The following RUNX1 variants were observed in gnomAD, a reference collection of about 807,000 sequenced individuals.
RUNX1 encodes runt-related transcription factor 1.
A neutral mutation model predicts 42.8 loss-of-function variants in RUNX1; 19 were observed. The observed-to-expected ratio is 0.44, with a 90% CI of 0.31 to 0.65. The LOEUF (loss-of-function observed/expected upper bound fraction) is 0.65, where lower values mean the gene tolerates loss of function less well. RUNX1 is among the 30% of genes least tolerant of loss of function. The probability of loss-of-function intolerance (pLI) is 0.07; values close to 1 mark genes in which losing one functional copy is unlikely to be tolerated. For missense variants in RUNX1, 528 were observed against 672.0 expected, an observed-to-expected ratio of 0.79 and a Z score of 2.37; for synonymous variants, 271 against 289.4, an observed-to-expected ratio of 0.94 and a Z score of 0.64.
chr21:35,021,287 A>G (rs1011256926), intron 2 of RUNX1, among the ~76,000 whole-genome samples: 3 of 152,214 alleles, frequency 2.0e-5, no homozygotes, highest in African/African-American at 7.2e-5. Flanking sequence ...ATGAGTTATT[A>G]TCTGCAAAGC....
intron 2 of RUNX1, among the ~76,000 whole-genome samples, chr21:34,976,711 G>C (rs1401851784): frequency 6.6e-6 from 1 of 152,232 alleles, no homozygotes; most frequent in Non-Finnish European, 1.5e-5. Flanking sequence ...AGAGAACCTA[G>C]AGAACTACTG....
chr21:35,044,984 G>T (rs1345238565), intron 2 of RUNX1, among the ~76,000 whole-genome samples: 1 of 152,162 alleles, frequency 6.6e-6, no homozygotes, highest in East Asian at 1.9e-4. Flanking sequence ...GCCTCCTACA[G>T]CCCCCTAAAC....
intron 7 of RUNX1, among the ~76,000 whole-genome samples, chr21:34,816,749 G>A (rs1029708464): frequency 9.9e-5 from 15 of 152,090 alleles, no homozygotes; most frequent in African/African-American, 3.6e-4. Flanking sequence ...CAAAGCTTGT[G>A]GGCAGGACTG....
chr21:34,920,872 T>G (rs1019730180), intron 2 of RUNX1, among the ~76,000 whole-genome samples: 3 of 152,192 alleles, frequency 2.0e-5, no homozygotes, highest in Non-Finnish European at 4.4e-5. Context: ...TTTTGATTTG[T>G]TTTTGAGACT....
chr21:34,987,432 G>A (rs1225775545), intron 2 of RUNX1, among the ~76,000 whole-genome samples: 1 of 152,194 alleles, frequency 6.6e-6, no homozygotes, highest in Non-Finnish European at 1.5e-5. Flanking sequence ...TCTTGGCTGA[G>A]AAGGCAGCTG....
intron 7 of RUNX1, among the ~76,000 whole-genome samples, chr21:34,832,329 T>C (rs2057075358): frequency 6.6e-6 from 1 of 152,198 alleles, no homozygotes. Flanking sequence ...GAGGCATATC[T>C]GATGAAGAAG....
chr21:34,990,973 T>C (rs2146828642), intron 2 of RUNX1, among the ~76,000 whole-genome samples: 1 of 152,270 alleles, frequency 6.6e-6, no homozygotes, highest in South Asian at 2.1e-4. Flanking sequence ...TGTAACTCTG[T>C]TCATGAGGAG....
intron 6 of RUNX1, among the ~76,000 whole-genome samples, chr21:34,845,405 G>A (rs1284202141): frequency 9.9e-5 from 15 of 152,188 alleles, no homozygotes; most frequent in Admixed American, 6.5e-4. Context: ...ATCCTTTCCC[G>A]ATTCGAAAGG....
intron 3 of RUNX1, among the ~76,000 whole-genome samples, chr21:34,890,146 T>C (rs528291989): frequency 5.9e-5 from 9 of 151,836 alleles, no homozygotes; most frequent in African/African-American, 2.2e-4. Flanking sequence ...GTGGAGGCCT[T>C]TCCCGGGCGG....
intron 5 of RUNX1, among the ~76,000 whole-genome samples, chr21:34,865,655 T>A (rs1350199847): frequency 6.6e-6 from 1 of 152,190 alleles, no homozygotes; most frequent in Admixed American, 6.5e-5. Flanking sequence ...TGATTAGTCT[T>A]GACGTTGGCG....
chr21:34,883,943 C>T (rs1245048001), intron 4 of RUNX1, among the ~76,000 whole-genome samples: 1 of 152,192 alleles, frequency 6.6e-6, no homozygotes, highest in South Asian at 2.1e-4. Context: ...AAAAATATTA[C>T]TTATTTCCTT....
At chr21:34,992,202 G>T (rs990607252) in intron 2 of RUNX1, among the ~76,000 whole-genome samples, 1 of 152,216 alleles carries the variant, frequency 6.6e-6, no homozygotes, top group African/African-American at 2.4e-5. Context: ...CCCAGGACAG[G>T]GTACAGAGCC....
intron 3 of RUNX1, among the ~76,000 whole-genome samples, chr21:34,892,398 A>G (rs555446117): frequency 1.3e-5 from 2 of 152,336 alleles, no homozygotes; most frequent in Admixed American, 1.3e-4. Flanking sequence ...TAGTTCTTCC[A>G]TTACATCCTT....
chr21:34,986,574 T>A (rs1204462534), intron 2 of RUNX1, among the ~76,000 whole-genome samples: 1 of 146,448 alleles, frequency 6.8e-6, no homozygotes, highest in African/African-American at 2.5e-5. Flanking sequence ...CTAGATTAGG[T>A]TGGCTGCTAA....
intron 2 of RUNX1, among the ~76,000 whole-genome samples, chr21:35,046,147 A>C (rs904123958): frequency 1.6e-4 from 24 of 152,198 alleles, no homozygotes; most frequent in African/African-American, 5.5e-4. Context: ...TTTCAATCGC[A>C]TCTTGTCTTC....
chr21:34,887,672 A>G (rs2058018752), intron 3 of RUNX1: 1 of 1,075,578 alleles, frequency 9.3e-7, no homozygotes, highest in Non-Finnish European at 1.1e-6. Context: ...TTCCAAAGGT[A>G]GTGCTACTAA....
intron 2 of RUNX1, among the ~76,000 whole-genome samples, chr21:34,920,145 C>T (rs529339218): frequency 8.5e-5 from 13 of 152,306 alleles, no homozygotes; most frequent in African/African-American, 3.1e-4. Flanking sequence ...TGGCTCCATA[C>T]TATTTTACCA....
Position 34,792,035 on chromosome 21 carries a change from A to T in RUNX1, c.*100T>A. On this transcript the variant is annotated 3_prime_UTR_variant, in exon 9 of 9. Coordinates refer to ENST00000675419, the MANE Select transcript of RUNX1 (RefSeq NM_001754.5). The surrounding 1 kb of genome is among the most constrained non-coding windows in gnomAD (Gnocchi z 6.9). ...CGGCCCCAGGACGGTGGCCGGGCCC[A>T]GGGCCCGGGATCCCGGCGGGCTTGT... The T allele has an allele frequency of 2.7e-6, 2 of 741,526 alleles. No homozygotes were observed. Among genetic ancestry groups the T allele is most frequent in the Non-Finnish European group, 3.9e-6 (2 of 509,992 alleles). The allele number at this position is 741,526 out of a possible 1,614,324, so 45.9% of individuals were successfully genotyped here.
intron 5 of RUNX1, among the ~76,000 whole-genome samples, chr21:34,859,868 T>C (rs551092267): frequency 1.3e-5 from 2 of 152,350 alleles, no homozygotes; most frequent in African/African-American, 2.4e-5. Flanking sequence ...CCGGAAACCA[T>C]AGAGTCAGAT....
Sources: allele counts gnomAD v4.1 joint callset (sites outside exome capture counted in the v4.1 genomes callset), GRCh38; gene constraint gnomAD v4.1.1; non-coding constraint Gnocchi (gnomAD v3.1); transcripts MANE v1.5; gene names NCBI Gene and HGNC (gene_info 2026-07-23, HGNC 2026-07-21).